The following LDB2 variants were observed in gnomAD, a reference collection of about 807,000 sequenced individuals.
LDB2 encodes the protein LIM domain-binding protein 2.
A neutral mutation model predicts 44.3 loss-of-function variants in LDB2; 12 were observed. The ratio of observed to expected loss-of-function variants is 0.27; its 90% CI spans 0.17 to 0.44. The LOEUF is 0.44. Among genes scored for constraint, LDB2 ranks in the 20% least tolerant of loss-of-function variants. LDB2 has a pLI of 1.00. For synonymous variants in LDB2, 164 were observed against 174.8 expected, an observed-to-expected ratio of 0.94 and a Z score of 0.49; for missense variants, 344 against 473.5, an observed-to-expected ratio of 0.73 and a Z score of 2.54.
At chr4:16,715,259 C>T (rs539117208) in intron 2 of LDB2, among the ~76,000 whole-genome samples, 10 of 152,268 alleles carry the variant, frequency 6.6e-5, no homozygotes, top group African/African-American at 2.4e-4. Context: ...ATGCTGCCTC[C>T]CATACAAATA....
intron 1 of LDB2, among the ~76,000 whole-genome samples, chr4:16,886,575 T>C (rs1405108856): frequency 1.3e-5 from 2 of 152,202 alleles, no homozygotes; most frequent in Non-Finnish European, 2.9e-5. Context: ...ATTTCACAAA[T>C]ACTCTACATT....
rs558991212 is a variant in LDB2, at chr4:16,626,407, T to A, written c.236-30532A>T. On this transcript the variant is annotated intron_variant, in intron 2 of 7. Transcript: ENST00000304523. ...AGAATGTCACATGTCAAAAAAGTAC[T>A]GCCATGGGAGACACATCATCATAAA... Among the ~76,000 whole-genome samples, 13 of 152,342 alleles carry A rather than the reference T, an allele frequency of 8.5e-5. No homozygotes were observed. The East Asian group carries it at 2.5e-3, about 29-fold the overall frequency.
intron 2 of LDB2, among the ~76,000 whole-genome samples, chr4:16,704,668 G>T (rs1167595590): frequency 6.6e-6 from 1 of 152,188 alleles, no homozygotes; most frequent in Non-Finnish European, 1.5e-5. Flanking sequence ...CTGTTTTCAA[G>T]GCCTATGACG....
At chr4:16,559,338 C>A (rs1741114879) in intron 5 of LDB2, among the ~76,000 whole-genome samples, 1 of 152,114 alleles carries the variant, frequency 6.6e-6, no homozygotes, top group African/African-American at 2.4e-5. Context: ...TGCAGAGACA[C>A]ACATGGGCTC....
chr4:16,573,303 C>T (rs562551970), intron 5 of LDB2, among the ~76,000 whole-genome samples: 8 of 152,312 alleles, frequency 5.3e-5, no homozygotes, highest in African/African-American at 1.9e-4. Context: ...ACTCATGTTA[C>T]AGAGCTCAAT....
intron 1 of LDB2, among the ~76,000 whole-genome samples, chr4:16,791,527 C>T (rs1183220169): frequency 1.6e-5 from 2 of 123,936 alleles, no homozygotes; most frequent in African/African-American, 6.2e-5. Flanking sequence ...AGCACTCCAG[C>T]CCGGGCAACA....
At chr4:16,754,346 C>T (rs888578606) in intron 2 of LDB2, among the ~76,000 whole-genome samples, 2 of 152,194 alleles carry the variant, frequency 1.3e-5, no homozygotes, top group African/African-American at 4.8e-5. Flanking sequence ...TCAGGCTGTC[C>T]ACATTGTTCA....
intron 2 of LDB2, among the ~76,000 whole-genome samples, chr4:16,745,792 G>A (rs1158430999): frequency 6.6e-6 from 1 of 151,948 alleles, no homozygotes; most frequent in Non-Finnish European, 1.5e-5. Context: ...TTTCTGGGAG[G>A]AGCAAATGAG....
intron 1 of LDB2, among the ~76,000 whole-genome samples, chr4:16,767,281 T>A (rs943245827): frequency 1.3e-5 from 2 of 152,212 alleles, no homozygotes; most frequent in Admixed American, 1.3e-4. Flanking sequence ...ACACTACTAA[T>A]AATACTCCAA....
At chr4:16,786,805 C>A (rs1359129627) in intron 1 of LDB2, among the ~76,000 whole-genome samples, 1 of 152,140 alleles carries the variant, frequency 6.6e-6, no homozygotes, top group Non-Finnish European at 1.5e-5. Context: ...ATACATATGC[C>A]TTGTCAGAAA....
intron 2 of LDB2, among the ~76,000 whole-genome samples, chr4:16,614,875 C>T (rs1356844869): frequency 5.3e-5 from 8 of 150,406 alleles, no homozygotes; most frequent in Admixed American, 1.3e-4. Flanking sequence ...TCGAGACCAT[C>T]CCGGCTAAAA....
chr4:16,698,016 T>C (rs1365722778), intron 2 of LDB2, among the ~76,000 whole-genome samples: 1 of 152,238 alleles, frequency 6.6e-6, no homozygotes, highest in Non-Finnish European at 1.5e-5. Context: ...GTATTCGTTA[T>C]ATAAACAAAA....
chr4:16,649,171 C>G (rs1333989452), intron 2 of LDB2, among the ~76,000 whole-genome samples: 1 of 152,186 alleles, frequency 6.6e-6, no homozygotes, highest in East Asian at 1.9e-4. Context: ...GAATTCTTTT[C>G]TGTCAAGAGG....
At chr4:16,756,422 C>T (rs190808305) in intron 2 of LDB2, among the ~76,000 whole-genome samples, 6 of 152,196 alleles carry the variant, frequency 3.9e-5, no homozygotes, top group Admixed American at 3.9e-4. Flanking sequence ...CACTGCACCC[C>T]AGCCTGGGTG....
At chr4:16,807,272 T>C (rs2109810638) in intron 1 of LDB2, among the ~76,000 whole-genome samples, 1 of 152,358 alleles carries the variant, frequency 6.6e-6, no homozygotes, top group East Asian at 1.9e-4. Context: ...CTTATTGCAA[T>C]TATTATTATA....
intron 2 of LDB2, among the ~76,000 whole-genome samples, chr4:16,660,123 T>C (rs1043678924): frequency 6.6e-6 from 1 of 152,110 alleles, no homozygotes; most frequent in Non-Finnish European, 1.5e-5. Context: ...AAGAATGACA[T>C]AGAGATACCC....
chr4:16,810,077 C>T (rs927712399), intron 1 of LDB2, among the ~76,000 whole-genome samples: 1 of 152,136 alleles, frequency 6.6e-6, no homozygotes, highest in Non-Finnish European at 1.5e-5. Flanking sequence ...CTGTTCTCAG[C>T]CTAATGTTCA....
At chr4:16,801,340 GTTTA>G (rs1389174954) in intron 1 of LDB2, among the ~76,000 whole-genome samples, 1 of 152,128 alleles carries the variant, frequency 6.6e-6, no homozygotes, top group Non-Finnish European at 1.5e-5. Flanking sequence ...ATTTGCTTTA[GTTTA>G]TTTACTTATG....
At chr4:16,521,031 C>CCCT (rs1289649262) in intron 5 of LDB2, among the ~76,000 whole-genome samples, 3 of 152,140 alleles carry the variant, frequency 2.0e-5, no homozygotes, top group Non-Finnish European at 4.4e-5. Context: ...GGAGACAAGC[C>CCCT]CCTGCACATT....
Sources: allele counts gnomAD v4.1 joint callset (sites outside exome capture counted in the v4.1 genomes callset), GRCh38; gene constraint gnomAD v4.1.1; transcripts MANE v1.5; gene names NCBI Gene and HGNC (gene_info 2026-07-23, HGNC 2026-07-21).